N4BP2L2: variants seen among roughly 807,000 people sequenced by gnomAD.
N4BP2L2 encodes the protein NEDD4 binding protein 2 like 2, also known as NEDD4-binding protein 2-like 2.
A neutral mutation model predicts 56.2 loss-of-function variants in N4BP2L2; 50 were observed. The ratio of observed to expected loss-of-function variants is 0.89; its 90% confidence interval spans 0.71 to 1.13. The LOEUF is 1.13. N4BP2L2 is among the 50% of genes most tolerant of loss of function. The probability of loss-of-function intolerance (pLI) is 0.00; values close to 1 mark genes in which losing one functional copy is unlikely to be tolerated. For missense variants in N4BP2L2, 689 were observed against 693.8 expected (o/e 0.99, Z 0.08); for synonymous variants, 203 against 223.6 (o/e 0.91, Z 0.82).
intron 3 of N4BP2L2, chr13:32,524,757 A>AGTTT (rs113491635): frequency 0.08 from 12,148 of 151,928 alleles, 581 homozygotes; most frequent in East Asian, 0.21. Flanking sequence ...ATTCTGTACT[A>AGTTT]GTTTGTTTGT....
chr13:32,470,803 A>C (rs1460256948), intron 6 of N4BP2L2, among the ~76,000 whole-genome samples: 1 of 152,186 alleles, frequency 6.6e-6, no homozygotes, highest in East Asian at 1.9e-4. Context: ...GCAGTGTTAC[A>C]AGAGGTCTTG....
exon 4 of N4BP2L2, chr13:32,522,224 G>T (rs1466021087): frequency 1.3e-6 from 2 of 1,573,008 alleles, no homozygotes. Flanking sequence ...GTATATTAGT[G>T]TTATCTATTA....
intron 6 of N4BP2L2, among the ~76,000 whole-genome samples, chr13:32,475,056 C>T (rs1028473268): frequency 6.6e-6 from 1 of 152,190 alleles, no homozygotes; most frequent in Non-Finnish European, 1.5e-5. Flanking sequence ...ATTATACTGT[C>T]ACCATGCAGA....
chr13:32,497,281 C>T (rs1315357949), intron 6 of N4BP2L2, among the ~76,000 whole-genome samples: 4 of 152,312 alleles, frequency 2.6e-5, no homozygotes, highest in African/African-American at 9.6e-5. Flanking sequence ...AACTCTGGCT[C>T]TTAAAGGACC....
intron 6 of N4BP2L2, among the ~76,000 whole-genome samples, chr13:32,492,213 T>C (rs1025692534): frequency 2.0e-5 from 3 of 151,718 alleles, no homozygotes; most frequent in African/African-American, 7.3e-5. Flanking sequence ...ATCACTCTTA[T>C]GAACTTAGGA....
intron 7 of N4BP2L2, among the ~76,000 whole-genome samples, chr13:32,439,018 C>T (rs1287792789): frequency 6.6e-6 from 1 of 152,202 alleles, no homozygotes; most frequent in African/African-American, 2.4e-5. Flanking sequence ...GCTTCGTAGC[C>T]TCTACTTATG....
At chr13:32,517,857 C>T in exon 6 of N4BP2L2, 1 of 1,614,030 alleles carries the variant, frequency 6.2e-7, no homozygotes, top group African/African-American at 1.3e-5. Flanking sequence ...GCCTCCCCAC[C>T]TCTGTCTCCC....
intron 3 of N4BP2L2, among the ~76,000 whole-genome samples, chr13:32,526,437 A>T (rs2052806756): frequency 6.6e-6 from 1 of 151,828 alleles, no homozygotes; most frequent in South Asian, 2.1e-4. Context: ...TTAGTAAAAA[A>T]GTTATTTTGA....
intron 2 of N4BP2L2, among the ~76,000 whole-genome samples, chr13:32,532,408 C>T (rs1176906776): frequency 6.6e-6 from 1 of 151,970 alleles, no homozygotes; most frequent in Non-Finnish European, 1.5e-5. Context: ...GTCCTTTATC[C>T]ATCTAGAAGT....
exon 6 of N4BP2L2, chr13:32,514,262 A>G (rs2048727240): frequency 6.6e-6 from 1 of 152,224 alleles, no homozygotes; most frequent in Admixed American, 6.5e-5. Context: ...AAAAGTTCAA[A>G]TTAATTACCA....
intron 6 of N4BP2L2, among the ~76,000 whole-genome samples, chr13:32,475,058 C>T (rs901774648): frequency 2.0e-5 from 3 of 152,166 alleles, no homozygotes; most frequent in African/African-American, 4.8e-5. Context: ...TATACTGTCA[C>T]CATGCAGAAA....
chr13:32,536,599 T>G (rs758884980), exon 2 of N4BP2L2: 1 of 1,613,928 alleles, frequency 6.2e-7, no homozygotes, highest in Non-Finnish European at 8.5e-7. Flanking sequence ...TTAGAACATG[T>G]GCCTCATTCC....
At chr13:32,502,673 C>A (rs896343409) in intron 6 of N4BP2L2, among the ~76,000 whole-genome samples, 1 of 152,160 alleles carries the variant, frequency 6.6e-6, no homozygotes, top group African/African-American at 2.4e-5. Context: ...ACTTCGAATT[C>A]TGCAATTTCA....
chr13:32,522,532 C>A, intron 3 of N4BP2L2: 1 of 249,140 alleles, frequency 4.0e-6, no homozygotes, highest in East Asian at 7.8e-5. Flanking sequence ...GAACTTACAG[C>A]TAATAAAGGC....
chr13:32,529,348 T>G (rs2140213100), intron 2 of N4BP2L2, among the ~76,000 whole-genome samples: 1 of 152,344 alleles, frequency 6.6e-6, no homozygotes, highest in South Asian at 2.1e-4. Flanking sequence ...ACAGTTCAAA[T>G]CACTTCAGAC....
chr13:32,449,917 T>G (rs1213091988), intron 6 of N4BP2L2, among the ~76,000 whole-genome samples: 2 of 152,212 alleles, frequency 1.3e-5, no homozygotes, highest in African/African-American at 4.8e-5. Flanking sequence ...GAAAAAAATT[T>G]TTTTAAACTA....
At chr13:32,474,789 T>C (rs986761524) in intron 6 of N4BP2L2, among the ~76,000 whole-genome samples, 2 of 152,212 alleles carry the variant, frequency 1.3e-5, no homozygotes, top group Admixed American at 6.5e-5. Context: ...AAAAGTCACA[T>C]GGCTAACAAA....
intron 9 of N4BP2L2, among the ~76,000 whole-genome samples, chr13:32,433,845 G>A (rs1313151555): frequency 3.4e-5 from 5 of 146,738 alleles, no homozygotes; most frequent in Admixed American, 2.1e-4. Context: ...GTGGAGAATC[G>A]CTTGAACCCA....
In N4BP2L2 at chr13:32,476,083, A is replaced by T. The variant is rs1418198589; in HGVS notation, c.366-31957T>A. On this transcript the variant is annotated intron_variant, in intron 6 of 9. Coordinates refer to the N4BP2L2 transcript ENST00000357505. ...GATCAAACAACTAAATCCTGGATTA[A>T]GCATTTTTTCAAAATATTTTCTAAA... Among the ~76,000 whole-genome samples the T allele has an allele frequency of 3.3e-5, 5 of 152,232 alleles. No homozygotes were observed. The South Asian group carries it at 8.3e-4, about 25-fold the overall frequency.
Sources: gnomAD v4.1 joint callset for allele counts (sites outside exome capture counted in the v4.1 genomes callset) on GRCh38, gnomAD v4.1.1 for gene constraint, MANE v1.5 for transcripts, NCBI Gene and HGNC (gene_info 2026-07-23, HGNC 2026-07-21) for gene names.